Variants in MCC observed in about 807,000 individuals in gnomAD.
MCC encodes the protein colorectal mutant cancer protein.
MCC carries 90 observed loss-of-function variants against 116.2 expected under a neutral mutation model. The ratio of observed to expected loss-of-function variants is 0.77; its 90% CI spans 0.65 to 0.92. MCC has a LOEUF of 0.92. Among genes scored for constraint, MCC ranks in the 40% least tolerant of loss-of-function variants. The pLI is 0.00. For missense variants in MCC, 1,516 were observed against 1,312.2 expected (o/e 1.16, Z -2.40); for synonymous variants, 578 against 510.5 (o/e 1.13, Z -1.78).
intron 14 of MCC, among the ~76,000 whole-genome samples, chr5:113,054,799 G>T (rs554369317): frequency 1.3e-5 from 2 of 152,176 alleles, no homozygotes; most frequent in Non-Finnish European, 2.9e-5. Flanking sequence ...CAGGCCTGTG[G>T]CAGCCCAGGA....
At chr5:113,051,224 G>A (rs142037060) in intron 15 of MCC, among the ~76,000 whole-genome samples, 28 of 152,274 alleles carry the variant, frequency 1.8e-4, no homozygotes, top group Middle Eastern at 3.4e-3. Context: ...TTTCCACAGA[G>A]GATGAGCTGG....
intron 3 of MCC, among the ~76,000 whole-genome samples, chr5:113,193,157 G>C (rs1339593463): frequency 6.6e-6 from 1 of 152,094 alleles, no homozygotes; most frequent in Non-Finnish European, 1.5e-5. Flanking sequence ...CTGACTCTTT[G>C]CTTCCGTTAT....
intron 12 of MCC, among the ~76,000 whole-genome samples, chr5:113,070,544 C>T (rs1217530458): frequency 1.3e-5 from 2 of 152,154 alleles, no homozygotes; most frequent in African/African-American, 4.8e-5. Context: ...ACAATTCCTG[C>T]TTTGGGATTT....
At position 113,446,037 on chromosome 5, in the gene MCC, T is replaced by C. The variant is rs1313783804; in HGVS notation, c.170+42208A>G. Among the ~76,000 whole-genome samples, 4 of 152,166 alleles carry C rather than the reference T, an allele frequency of 2.6e-5. No homozygotes were observed. The East Asian group carries it at 7.7e-4, about 29-fold the overall frequency. On this transcript the variant is annotated intron_variant, in intron 1 of 18. Coordinates refer to ENST00000408903, the MANE Select transcript of MCC (RefSeq NM_001085377.2). Reference sequence around the variant, plus strand: ...AATAAATGGTGCTGGGATAGCTAGCTAGCCATATGCAGAAGAATTCAACTG... The same window carrying C: ...AATAAATGGTGCTGGGATAGCTAGCCAGCCATATGCAGAAGAATTCAACTG...
At chr5:113,034,874 C>T (rs1189017441) in intron 17 of MCC, among the ~76,000 whole-genome samples, 1 of 152,214 alleles carries the variant, frequency 6.6e-6, no homozygotes. Flanking sequence ...CCTCCAGAGC[C>T]TGATTTCGTT....
chr5:113,110,934 G>A (rs1757053992), intron 6 of MCC, among the ~76,000 whole-genome samples: 1 of 152,164 alleles, frequency 6.6e-6, no homozygotes, highest in Non-Finnish European at 1.5e-5. Flanking sequence ...ATGTGCAGAG[G>A]GGCCAGCCGC....
chr5:113,305,591 C>T (rs181233197), intron 3 of MCC, among the ~76,000 whole-genome samples: 17 of 152,284 alleles, frequency 1.1e-4, no homozygotes, highest in South Asian at 4.1e-4. Context: ...CCCACTTGCT[C>T]TCCACTTTTA....
chr5:113,134,196 T>C (rs566999076), intron 5 of MCC, among the ~76,000 whole-genome samples: 6 of 152,340 alleles, frequency 3.9e-5, no homozygotes, highest in South Asian at 4.1e-4. Context: ...TCTGAGTAGT[T>C]TGATAGTTCA....
chr5:113,211,282 C>T (rs1008960386), intron 3 of MCC, among the ~76,000 whole-genome samples: 24 of 152,190 alleles, frequency 1.6e-4, no homozygotes, highest in Admixed American at 1.2e-3. Flanking sequence ...CTACCAGATG[C>T]TGAATTTGCT....
At chr5:113,414,016 C>A (rs1770069744) in intron 1 of MCC, among the ~76,000 whole-genome samples, 1 of 152,262 alleles carries the variant, frequency 6.6e-6, no homozygotes, top group African/African-American at 2.4e-5. Context: ...TTTCTGCCTT[C>A]ATTTTGTTAT....
intron 17 of MCC, among the ~76,000 whole-genome samples, chr5:113,040,511 T>A (rs1289113542): frequency 6.6e-6 from 1 of 152,080 alleles, no homozygotes; most frequent in Non-Finnish European, 1.5e-5. Context: ...CTGGTAAGAT[T>A]CCCCCAGCTG....
At chr5:113,487,049 T>C (rs1021311948) in intron 1 of MCC, among the ~76,000 whole-genome samples, 3 of 152,278 alleles carry the variant, frequency 2.0e-5, no homozygotes, top group African/African-American at 7.2e-5. Context: ...ACAGAATTAC[T>C]CCATCAAGTT....
At chr5:113,257,645 A>C (rs1444258177) in intron 3 of MCC, among the ~76,000 whole-genome samples, 1 of 152,166 alleles carries the variant, frequency 6.6e-6, no homozygotes, top group Non-Finnish European at 1.5e-5. Context: ...GCAATAAATA[A>C]GCTACGGATA....
At chr5:113,290,394 G>A (rs948573306) in intron 3 of MCC, among the ~76,000 whole-genome samples, 4 of 152,094 alleles carry the variant, frequency 2.6e-5, no homozygotes, top group African/African-American at 9.7e-5. Context: ...TGATTGCTTT[G>A]TACAAATTCT....
At chr5:113,028,176 G>C (rs1037105773) in intron 18 of MCC, among the ~76,000 whole-genome samples, 2 of 152,196 alleles carry the variant, frequency 1.3e-5, no homozygotes, top group African/African-American at 4.8e-5. Flanking sequence ...CAGGAGGTCT[G>C]TGAGGTCTTG....
chr5:113,108,900 G>C (rs1756913661), intron 6 of MCC, among the ~76,000 whole-genome samples: 1 of 152,168 alleles, frequency 6.6e-6, no homozygotes, highest in Non-Finnish European at 1.5e-5. Flanking sequence ...GCTTCACACA[G>C]GCCCATCAGT....
chr5:113,129,702 G>T (rs1758312186), intron 5 of MCC, among the ~76,000 whole-genome samples: 1 of 152,196 alleles, frequency 6.6e-6, no homozygotes, highest in Non-Finnish European at 1.5e-5. Flanking sequence ...TTCAAAAGAA[G>T]ACATTTATGC....
intron 11 of MCC, among the ~76,000 whole-genome samples, chr5:113,081,535 A>G (rs1012522853): frequency 1.3e-5 from 2 of 152,150 alleles, no homozygotes; most frequent in Non-Finnish European, 2.9e-5. Context: ...CACAGATCCA[A>G]CTTGTTAAAG....
intron 3 of MCC, among the ~76,000 whole-genome samples, chr5:113,310,768 T>C (rs971849168): frequency 1.3e-5 from 2 of 152,216 alleles, no homozygotes; most frequent in African/African-American, 4.8e-5. Flanking sequence ...AAACACAAAA[T>C]GGATAACAAT....
Sources: gnomAD v4.1 joint callset for allele counts (sites outside exome capture counted in the v4.1 genomes callset) on GRCh38, gnomAD v4.1.1 for gene constraint, MANE v1.5 for transcripts, NCBI Gene and HGNC (gene_info 2026-07-23, HGNC 2026-07-21) for gene names.